Variants in HYDIN observed in about 807,000 individuals in gnomAD.
HYDIN encodes axonemal central pair apparatus protein HYDIN.
In HYDIN, 132 loss-of-function variants were observed where a neutral mutation model predicts 403.9. The observed-to-expected ratio is 0.33, with a 90% CI of 0.28 to 0.38. The LOEUF (loss-of-function observed/expected upper bound fraction) is 0.38. HYDIN is among the 10% of genes least tolerant of loss of function. HYDIN has a pLI of 1.00. For missense variants in HYDIN, 2,827 were observed against 5,009.5 expected (o/e 0.56, Z 13.15); for synonymous variants, 1,202 against 1,891.7 (o/e 0.64, Z 9.46).
intron 1 of HYDIN, among the ~76,000 whole-genome samples, chr16:71,215,046 T>C (rs1301091080): frequency 1.3e-5 from 2 of 152,206 alleles, no homozygotes; most frequent in African/African-American, 2.4e-5. Context: ...CACCTGGTCA[T>C]GCCTGAAAGC....
chr16:71,085,848 T>C (rs1212249606), intron 12 of HYDIN, among the ~76,000 whole-genome samples: 9 of 152,186 alleles, frequency 5.9e-5, no homozygotes, highest in Admixed American at 1.3e-4. Flanking sequence ...TATCTTTAAA[T>C]CTAAAGTGTG....
chr16:71,061,490 G>A (rs80090196), intron 17 of HYDIN, among the ~76,000 whole-genome samples: 3,988 of 114,576 alleles, frequency 0.035, no homozygotes, highest in African/African-American at 0.055. Flanking sequence ...TGTAGGATTC[G>A]ATGTTTATCC....
chr16:70,990,603 A>C (rs2079319911), intron 25 of HYDIN, among the ~76,000 whole-genome samples: 1 of 151,860 alleles, frequency 6.6e-6, no homozygotes, highest in Non-Finnish European at 1.5e-5. Flanking sequence ...AGAATTTCAT[A>C]GTATTGCCTT....
intron 41 of HYDIN, among the ~76,000 whole-genome samples, chr16:70,948,116 T>C (rs1300474612): frequency 6.6e-6 from 1 of 150,784 alleles, no homozygotes; most frequent in African/African-American, 2.5e-5. Flanking sequence ...GAGATATAGA[T>C]CAATGGAACA....
intron 40 of HYDIN, among the ~76,000 whole-genome samples, chr16:70,954,614 C>T (rs1410324465): frequency 2.6e-5 from 4 of 152,150 alleles, no homozygotes; most frequent in Non-Finnish European, 2.9e-5. Flanking sequence ...GGAAGCTGGG[C>T]GTGGCCATCT....
Position 70,908,367 on chromosome 16 carries a change from C to T in HYDIN, c.8281G>A (p.Asp2761Asn). 2 of 1,325,550 alleles carry T rather than the reference C, an allele frequency of 1.5e-6. No individual in the cohort carries two copies. Among genetic ancestry groups the T allele is most frequent in the Non-Finnish European group, 2.1e-6 (2 of 945,796 alleles). 82.1% of individuals were successfully genotyped at this position (1,325,550 alleles called of 1,614,324 possible). The change falls in exon 49 of 86, where the codon GAT becomes AAT. Residue 2761 changes from aspartate (D) to asparagine (N), a missense_variant. By Grantham distance (23) the Asp-to-Asn change is conservative. Transcript: ENST00000393567. ...EVTLQVHFSS[D>N]EFGNFDQTFN... ...GTTTGGTCAAAGTTCCCGAACTCAT[C>T]AGAAGAGAAGTGCACCTGCAACGTT...
At chr16:70,951,671 G>A (rs547029955) in intron 41 of HYDIN, among the ~76,000 whole-genome samples, 1 of 151,890 alleles carries the variant, frequency 6.6e-6, no homozygotes, top group South Asian at 2.1e-4. Flanking sequence ...TCCCTCTTGA[G>A]TGGATCGCCA....
intron 1 of HYDIN, among the ~76,000 whole-genome samples, chr16:71,208,184 G>A (rs532413007): frequency 1.3e-5 from 2 of 152,182 alleles, no homozygotes; most frequent in East Asian, 3.9e-4. Flanking sequence ...ACAATCCTCA[G>A]CAAACACACA....
chr16:71,002,225 T>C (rs1005983124), intron 23 of HYDIN, among the ~76,000 whole-genome samples: 4 of 152,338 alleles, frequency 2.6e-5, no homozygotes, highest in South Asian at 2.1e-4. Flanking sequence ...AGTTTCACTA[T>C]GATTTTGTGC....
chr16:70,956,345 G>A (rs1028923880), intron 39 of HYDIN, among the ~76,000 whole-genome samples: 3 of 151,600 alleles, frequency 2.0e-5, no homozygotes, highest in Admixed American at 6.6e-5. Context: ...GGATAGTACC[G>A]TTAGCCTATG....
chr16:70,807,897 G>T lies in HYDIN; in HGVS notation c.15049C>A (p.Leu5017Ile), dbSNP rs757007458. 2.0e-5 allele frequency: 33 copies of T among 1,614,062 alleles called. No individual in the cohort carries two copies. Among genetic ancestry groups the T allele is most frequent in the Non-Finnish European group, 2.7e-5 (32 of 1,180,034 alleles). Reference protein sequence around the residue: ...SLAGGEYIIPLFGMALPPKPQ... With the variant: ...SLAGGEYIIPIFGMALPPKPQ... ...TTGGGAGGCAGAGCCATTCCAAAGA[G>T]GGGGATGATATACTCTCCACCTGCG... Residue 5017 changes from leucine to isoleucine, a missense_variant, in exon 86 of 86, where the codon CTC (leucine) becomes ATC (isoleucine). Physicochemically the swap from Leu to Ile is conservative, Grantham distance 5. Transcript: ENST00000393567.
At chr16:71,018,597 CAT>C (rs955424457) in intron 22 of HYDIN, among the ~76,000 whole-genome samples, 155 bp from the exon 23 acceptor site, 2 of 152,204 alleles carry the variant, frequency 1.3e-5, no homozygotes. Context: ...TATAAACACA[CAT>C]ATTAGTATGA....
intron 50 of HYDIN, among the ~76,000 whole-genome samples, chr16:70,905,340 G>A (rs1597281264): frequency 1.3e-5 from 2 of 152,002 alleles, no homozygotes; most frequent in South Asian, 2.1e-4. Flanking sequence ...GGCTCAGCAC[G>A]GTTTAAAATA....
At chr16:70,966,049 G>C (rs1470642954) in intron 36 of HYDIN, among the ~76,000 whole-genome samples, 1 of 152,140 alleles carries the variant, frequency 6.6e-6, no homozygotes, top group Non-Finnish European at 1.5e-5. Context: ...GCTGATACAG[G>C]GCACAAAGGC....
chr16:71,132,003 T>C (rs541152838), intron 8 of HYDIN: 2 of 150,688 alleles, frequency 1.3e-5, no homozygotes, highest in African/African-American at 4.9e-5. Context: ...ATCCCACTTT[T>C]GTAATAAAAA....
At chr16:70,996,037 T>C (rs1487782317) in intron 23 of HYDIN, among the ~76,000 whole-genome samples, 1 of 150,004 alleles carries the variant, frequency 6.7e-6, no homozygotes, top group South Asian at 2.2e-4. Flanking sequence ...GTATGACTTA[T>C]AGGAAGGAGT....
At chr16:71,094,605 G>A (rs1407590868) in intron 10 of HYDIN, among the ~76,000 whole-genome samples, 26 of 152,256 alleles carry the variant, frequency 1.7e-4, no homozygotes, top group Non-Finnish European at 3.1e-4. Context: ...CACAAATTCA[G>A]ATCTACAAAA....
rs368950142 is a variant in HYDIN, at chr16:70,907,413, C to T, written c.8475G>A (p.Thr2825=). The change falls in exon 50 of 86, where the codon ACG becomes ACA. Residue 2825 remains threonine (T), a synonymous_variant. Coordinates refer to ENST00000393567, the MANE Select transcript of HYDIN (RefSeq NM_001270974.2). ...CACAAAGTAGTGGCCCAAAGTAGTA[C>T]GTCTCCGTGCTCATAACATACTTCT... is the stretch of plus-strand genomic sequence containing the variant. ...IFKKYVMSTE[T]YYFGPLLCGK... is the part of the protein sequence containing the mutation. The T allele has an allele frequency of 1.7e-6, 1 of 600,646 alleles. No homozygotes were observed. 37.2% of individuals were successfully genotyped at this position (600,646 alleles called of 1,614,324 possible). A position where few individuals can be genotyped will look rare whatever the true frequency, so the allele number is the denominator to read the frequency against.
At chr16:70,956,732 A>G (rs1164655635) in intron 39 of HYDIN, among the ~76,000 whole-genome samples, 2 of 152,198 alleles carry the variant, frequency 1.3e-5, no homozygotes, top group Non-Finnish European at 2.9e-5. Context: ...ATTGTCCCCC[A>G]GATCCTCCAA....
Sources: gnomAD v4.1 joint callset for allele counts (sites outside exome capture counted in the v4.1 genomes callset) on GRCh38, gnomAD v4.1.1 for gene constraint, MANE v1.5 for transcripts, NCBI Gene and HGNC (gene_info 2026-07-23, HGNC 2026-07-21) for gene names.